Variants in NCOA2 observed in about 807,000 individuals in gnomAD.
NCOA2 encodes class E basic helix-loop-helix protein 75.
In NCOA2, 21 loss-of-function variants were observed where a neutral mutation model predicts 145.1. That is an observed-to-expected ratio of 0.14 (90% confidence interval 0.10 to 0.21). The LOEUF is 0.21. Ranked by LOEUF, NCOA2 falls within the 10% of genes least tolerant of loss-of-function variation. The pLI is 1.00. For synonymous variants in NCOA2, 619 were observed against 637.5 expected, an observed-to-expected ratio of 0.97 and a Z score of 0.44; for missense variants, 1,472 against 1,837.6, an observed-to-expected ratio of 0.80 and a Z score of 3.64.
intron 1 of NCOA2, among the ~76,000 whole-genome samples, chr8:70,401,054 G>C (rs920633906): frequency 3.3e-5 from 5 of 152,060 alleles, no homozygotes; most frequent in African/African-American, 1.2e-4. Context: ...CATTACTTCT[G>C]TCAGTGTGCC....
chr8:70,440,884 T>G, the NCOA2 span, among the ~76,000 whole-genome samples: 2 of 148,072 alleles, frequency 1.4e-5, no homozygotes, highest in East Asian at 4.0e-4. Context: ...GACTCTCAGG[T>G]CTTCAGGCCC....
the NCOA2 span, among the ~76,000 whole-genome samples, chr8:70,448,095 G>C: frequency 6.6e-6 from 1 of 152,050 alleles, no homozygotes; most frequent in Non-Finnish European, 1.5e-5. Flanking sequence ...ATTTCTAACA[G>C]ACTTTTTTTT....
chr8:70,365,212 G>A (rs1175199207), intron 1 of NCOA2, among the ~76,000 whole-genome samples: 1 of 152,094 alleles, frequency 6.6e-6, no homozygotes, highest in African/African-American at 2.4e-5. Flanking sequence ...CACACCTGTA[G>A]TCTCAGCTAC....
At chr8:70,401,754 G>A (rs903318247) in intron 1 of NCOA2, 4 of 152,238 alleles carry the variant, frequency 2.6e-5, no homozygotes, top group Admixed American at 2.0e-4. Context: ...ATAGCTGAGT[G>A]AAACCGAGAT....
At chr8:70,283,927 T>C (rs1048144542) in intron 2 of NCOA2, among the ~76,000 whole-genome samples, 1 of 152,218 alleles carries the variant, frequency 6.6e-6, no homozygotes, top group African/African-American at 2.4e-5. Flanking sequence ...ATTTGTCTAA[T>C]TGAATGATTT....
intron 1 of NCOA2, chr8:70,402,606 CCCGAGAGGGCCG>C (rs1814410272): frequency 1.3e-5 from 2 of 151,394 alleles, no homozygotes; most frequent in African/African-American, 4.9e-5. Flanking sequence ...CCCCCAGGGG[CCCGAGAGGGCCG>C]GGTCCCCGTG....
intron 1 of NCOA2, among the ~76,000 whole-genome samples, chr8:70,401,559 T>TA: frequency 6.6e-6 from 1 of 152,282 alleles, no homozygotes; most frequent in South Asian, 2.1e-4. Context: ...CTTTTTTTTT[T>TA]AATGACATCC....
intron 1 of NCOA2, among the ~76,000 whole-genome samples, chr8:70,364,864 A>G (rs1003038185): frequency 1.3e-5 from 2 of 150,688 alleles, no homozygotes; most frequent in Admixed American, 1.3e-4. Flanking sequence ...TGTGCACATC[A>G]GCATAGAGAT....
chr8:70,256,842 G>T (rs1823673750), intron 2 of NCOA2, among the ~76,000 whole-genome samples: 1 of 152,128 alleles, frequency 6.6e-6, no homozygotes, highest in African/African-American at 2.4e-5. Context: ...CAAAAACAGA[G>T]GGCACCTGTG....
At chr8:70,186,942 C>G (rs1162537820) in intron 4 of NCOA2, among the ~76,000 whole-genome samples, 1 of 152,174 alleles carries the variant, frequency 6.6e-6, no homozygotes, top group Non-Finnish European at 1.5e-5. Context: ...TTCATAATGA[C>G]AACAGGAAGA....
At chr8:70,411,827 G>A in the NCOA2 span, among the ~76,000 whole-genome samples, 6 of 152,310 alleles carry the variant, frequency 3.9e-5, no homozygotes, top group South Asian at 1.2e-3. Context: ...CTTTTGCCAG[G>A]TAGGTGCGGC....
chr8:70,121,457 A>C, intron 21 of NCOA2, 66 bp from the exon 22 acceptor site: 1 of 1,266,048 alleles, frequency 7.9e-7, no homozygotes, highest in African/African-American at 1.5e-5. Context: ...CTGGAAAACA[A>C]GTGGCCGCCG....
intron 4 of NCOA2, among the ~76,000 whole-genome samples, chr8:70,184,265 G>T (rs1391781598): frequency 6.6e-6 from 1 of 152,154 alleles, no homozygotes; most frequent in Non-Finnish European, 1.5e-5. Flanking sequence ...TACTAGTCCA[G>T]ATTCTCATCT....
Position 70,123,934 on chromosome 8 carries a change from A to AG in NCOA2, c.4242dup (p.Ser1415LeufsTer19), listed in dbSNP as rs1348936429. 1 of 1,613,776 alleles carries AG rather than the reference A, an allele frequency of 6.2e-7. No individual in the cohort carries two copies. Among genetic ancestry groups the AG allele is most frequent in the Non-Finnish European group, 8.5e-7 (1 of 1,179,828 alleles). ...CCTGACGTAGGCACGGAGGTCACTGAGGTCATGCTGATCTGTCCTGTCATC... is the reference window on the plus strand; with the variant it reads ...CCTGACGTAGGCACGGAGGTCACTGAGGGTCATGCTGATCTGTCCTGTCATC... On this transcript the variant is annotated frameshift_variant, in exon 21 of 23. Transcript: ENST00000452400. LOFTEE classifies it high-confidence loss of function.
Position 70,170,338 on chromosome 8 carries a change from G to T in NCOA2, c.405C>A (p.Asn135Lys). 1 of 1,603,286 alleles carries T rather than the reference G, an allele frequency of 6.2e-7. No individual in the cohort carries two copies. The highest frequency in any genetic ancestry group is 8.5e-7 in the Non-Finnish European group (1 of 1,174,646). Residue 135 changes from asparagine (N) to lysine (K), a missense_variant, in exon 6 of 23, where the codon AAC becomes AAA. Coordinates refer to ENST00000452400, the MANE Select transcript of NCOA2 (RefSeq NM_006540.4). ...TCACATTCTCTGACACAAACACAAC[G>T]TTGCCTTCCAGGTTCACTACAAAGA... Reference protein sequence around the residue: ...GFFFVVNLEGNVVFVSENVTQ... With the variant: ...GFFFVVNLEGKVVFVSENVTQ...
chr8:70,367,652 A>G (rs1810837237), intron 1 of NCOA2, among the ~76,000 whole-genome samples: 1 of 152,202 alleles, frequency 6.6e-6, no homozygotes, highest in Admixed American at 6.5e-5. Flanking sequence ...GAACTATTCA[A>G]AGTGTTTGAA....
At chr8:70,365,682 C>A (rs1371220019) in intron 1 of NCOA2, among the ~76,000 whole-genome samples, 1 of 152,120 alleles carries the variant, frequency 6.6e-6, no homozygotes, top group Admixed American at 6.5e-5. Context: ...TTTTAAAATG[C>A]CTTATAAGTG....
At chr8:70,179,652 C>A (rs554174932) in intron 4 of NCOA2, among the ~76,000 whole-genome samples, 1 of 152,130 alleles carries the variant, frequency 6.6e-6, no homozygotes, top group East Asian at 1.9e-4. Flanking sequence ...GTTTTCTCAG[C>A]GGTCACAAAC....
the NCOA2 span, among the ~76,000 whole-genome samples, chr8:70,449,517 G>A: frequency 1.3e-5 from 2 of 152,220 alleles, no homozygotes; most frequent in Admixed American, 6.5e-5. Context: ...GAGAGGGAGC[G>A]AGCAAAGGAA....
Sources: allele counts gnomAD v4.1 joint callset (sites outside exome capture counted in the v4.1 genomes callset), GRCh38; gene constraint gnomAD v4.1.1; transcripts MANE v1.5; gene names NCBI Gene and HGNC (gene_info 2026-07-23, HGNC 2026-07-21).